Variants in SGCZ observed in about 807,000 individuals in gnomAD.
The protein encoded by SGCZ is zeta-sarcoglycan.
Under a neutral mutation model 41.3 loss-of-function variants are expected in SGCZ, and 40 were observed. That is an observed-to-expected ratio of 0.97 (90% CI 0.75 to 1.26). The LOEUF (loss-of-function observed/expected upper bound fraction) is 1.26, where lower values mean the gene tolerates loss of function less well. Among genes scored for constraint, SGCZ ranks in the 50% most tolerant of loss-of-function variants. The pLI is 0.00. For missense variants in SGCZ, 552 were observed against 369.8 expected (o/e 1.49, Z -4.04); for synonymous variants, 206 against 137.5 (o/e 1.50, Z -3.49).
chr8:14,626,571 A>T (rs1806461633), intron 1 of SGCZ, among the ~76,000 whole-genome samples: 1 of 152,196 alleles, frequency 6.6e-6, no homozygotes. Flanking sequence ...ATTAGGTCAC[A>T]CTGGAGTAGG....
At chr8:14,260,034 T>A (rs1356595745) in intron 3 of SGCZ, among the ~76,000 whole-genome samples, 1 of 152,136 alleles carries the variant, frequency 6.6e-6, no homozygotes, top group African/African-American at 2.4e-5. Flanking sequence ...TTCACATCCC[T>A]TGTAAGTTGG....
chr8:14,965,446 A>T (rs1262517154), intron 1 of SGCZ, among the ~76,000 whole-genome samples: 1 of 152,164 alleles, frequency 6.6e-6, no homozygotes, highest in Middle Eastern at 3.2e-3. Flanking sequence ...AAGCAAAAGA[A>T]AATATGAGTG....
At chr8:15,056,313 T>A (rs79011801) in intron 1 of SGCZ, among the ~76,000 whole-genome samples, 1 of 152,116 alleles carries the variant, frequency 6.6e-6, no homozygotes, top group African/African-American at 2.4e-5. Flanking sequence ...GAGAGGAATA[T>A]GTTATTGTTT....
intron 1 of SGCZ, among the ~76,000 whole-genome samples, chr8:15,172,168 T>TTTTA (rs1554471151): frequency 1.5e-5 from 2 of 129,618 alleles, no homozygotes; most frequent in Non-Finnish European, 1.6e-5. Context: ...TTTTTTTTTT[T>TTTTA]TTTTTTTTTT....
chr8:15,188,133 A>G (rs1800406741), intron 1 of SGCZ, among the ~76,000 whole-genome samples: 1 of 152,070 alleles, frequency 6.6e-6, no homozygotes, highest in Non-Finnish European at 1.5e-5. Flanking sequence ...TCTTTAGATA[A>G]TCTGACTGCA....
chr8:14,624,086 G>A (rs1806370188), intron 1 of SGCZ, among the ~76,000 whole-genome samples: 1 of 152,044 alleles, frequency 6.6e-6, no homozygotes. Context: ...CATTTACTAT[G>A]TGCCGCAATA....
chr8:14,624,555 A>ATTTTTTTT (rs750064815), intron 1 of SGCZ, among the ~76,000 whole-genome samples: 1 of 96,246 alleles, frequency 1.0e-5, no homozygotes, highest in Non-Finnish European at 2.0e-5. Context: ...TATTATTATT[A>ATTTTTTTT]TTTTTTTTTT....
intron 1 of SGCZ, among the ~76,000 whole-genome samples, chr8:15,097,782 G>A (rs1051918995): frequency 8.9e-5 from 11 of 123,002 alleles, no homozygotes; most frequent in African/African-American, 1.3e-4. Flanking sequence ...ATATATATAC[G>A]TGTATATATA....
intron 1 of SGCZ, among the ~76,000 whole-genome samples, chr8:14,784,913 A>AAAAAAT (rs1408574493): frequency 0.012 from 1,045 of 87,876 alleles, 43 homozygotes; most frequent in African/African-American, 0.047. Context: ...AAAAAAAAAA[A>AAAAAAT]ATATATATAT....
At chr8:14,685,808 G>A (rs568809614) in intron 1 of SGCZ, among the ~76,000 whole-genome samples, 1 of 152,010 alleles carries the variant, frequency 6.6e-6, no homozygotes, top group South Asian at 2.1e-4. Flanking sequence ...AAAAAACCTC[G>A]ACAAGTTAAC....
chr8:14,232,136 C>CAA (rs1806593986), intron 4 of SGCZ, among the ~76,000 whole-genome samples: 1 of 150,070 alleles, frequency 6.7e-6, no homozygotes. Flanking sequence ...CTTCTTTCAT[C>CAA]ATATATATAT....
chr8:14,189,945 T>C (rs961282444), intron 4 of SGCZ, among the ~76,000 whole-genome samples: 3 of 152,190 alleles, frequency 2.0e-5, no homozygotes, highest in Admixed American at 2.0e-4. Context: ...TTCTTCCATT[T>C]AGCATAATGT....
rs912064714 is a variant in SGCZ, at chr8:14,867,668, C to G, written c.40-312742G>C. Among the ~76,000 whole-genome samples the G allele has an allele frequency of 2.6e-5, 4 of 152,106 alleles. No homozygotes were observed. In the East Asian group the frequency reaches 5.8e-4, roughly 22 times the overall value. ...TATCCTTAGCAAACTAACACAGGAA[C>G]AGAAAACCAAATACCACATGTTCTC... On this transcript the variant is annotated intron_variant, in intron 1 of 7. Coordinates refer to ENST00000382080, the MANE Select transcript of SGCZ (RefSeq NM_139167.4).
At chr8:15,025,476 G>A (rs1299399150) in intron 1 of SGCZ, among the ~76,000 whole-genome samples, 1 of 152,200 alleles carries the variant, frequency 6.6e-6, no homozygotes, top group Non-Finnish European at 1.5e-5. Flanking sequence ...TAGCTGAGAG[G>A]TAGAGAGGCT....
chr8:14,230,895 A>G (rs1232148167), intron 4 of SGCZ, among the ~76,000 whole-genome samples: 1 of 152,014 alleles, frequency 6.6e-6, no homozygotes, highest in African/African-American at 2.4e-5. Context: ...CTACTGGTTA[A>G]AAAGTAAAGG....
intron 1 of SGCZ, among the ~76,000 whole-genome samples, chr8:15,053,357 A>T (rs1804587300): frequency 6.6e-6 from 1 of 152,090 alleles, no homozygotes; most frequent in African/African-American, 2.4e-5. Context: ...CTATTTTCAT[A>T]CAGCCTTTCT....
chr8:14,419,669 T>C (rs544653771), intron 2 of SGCZ, among the ~76,000 whole-genome samples: 1 of 152,138 alleles, frequency 6.6e-6, no homozygotes, highest in Non-Finnish European at 1.5e-5. Context: ...AAACTCCCAA[T>C]CATTCATTTC....
chr8:14,751,946 C>G (rs1291209205), intron 1 of SGCZ, among the ~76,000 whole-genome samples: 2 of 121,160 alleles, frequency 1.7e-5, no homozygotes, highest in East Asian at 2.3e-4. Flanking sequence ...AAAACAAAAA[C>G]AAACAAAAAA....
At chr8:14,248,995 A>G (rs1308334073) in intron 3 of SGCZ, among the ~76,000 whole-genome samples, 2 of 152,220 alleles carry the variant, frequency 1.3e-5, no homozygotes, top group Non-Finnish European at 2.9e-5. Flanking sequence ...ACACAGTTAT[A>G]GTACCTGTGA....
Sources: allele counts gnomAD v4.1 joint callset (sites outside exome capture counted in the v4.1 genomes callset), GRCh38; gene constraint gnomAD v4.1.1; transcripts MANE v1.5; gene names NCBI Gene and HGNC (gene_info 2026-07-23, HGNC 2026-07-21).